Variants in GMPR observed in about 807,000 individuals in gnomAD.
GMPR encodes GMP reductase 1.
A neutral mutation model predicts 38.4 loss-of-function variants in GMPR; 31 were observed. The ratio of observed to expected loss-of-function variants is 0.81; its 90% CI spans 0.61 to 1.09. The LOEUF (loss-of-function observed/expected upper bound fraction) is 1.09, where lower values mean the gene tolerates loss of function less well. Ranked by LOEUF, GMPR falls within the 50% of genes least tolerant of loss-of-function variation. GMPR has a pLI of 0.00. For missense variants in GMPR, 468 were observed against 453.7 expected (o/e 1.03, Z -0.29); for synonymous variants, 162 against 173.3 (o/e 0.93, Z 0.51).
chr6:16,295,177 G>A lies in GMPR; in HGVS notation c.1029G>A (p.Val343=). 1 of 1,520,494 alleles carries A rather than the reference G, an allele frequency of 6.6e-7. No individual in the cohort carries two copies. The highest frequency in any genetic ancestry group is 8.8e-7 in the Non-Finnish European group (1 of 1,140,894). The allele number at this position is 1,520,494 out of a possible 1,614,324, so 94.2% of individuals were successfully genotyped here. The change falls in exon 9 of 9, where the codon GTG becomes GTA. Residue 343 remains valine, a synonymous_variant. Transcript: ENST00000259727. ...FIRVTQQHNT[V]FS Reference sequence around the variant, plus strand: ...GGGTGACCCAGCAGCACAACACCGTGTTCAGCTAACCCTGGGGACAAAGCA... The same window carrying A: ...GGGTGACCCAGCAGCACAACACCGTATTCAGCTAACCCTGGGGACAAAGCA...
chr6:16,259,888 G>T (rs567501821), intron 4 of GMPR, among the ~76,000 whole-genome samples: 1 of 152,248 alleles, frequency 6.6e-6, no homozygotes, highest in East Asian at 1.9e-4. Context: ...AGCTGTGATG[G>T]CTTGGAGAAA....
In GMPR at chr6:16,294,962, G is replaced by A. The variant is rs199829791; in HGVS notation, c.858-44G>A. The A allele has an allele frequency of 2.0e-4, 305 of 1,494,254 alleles. 1 individual carries two copies. The African/African-American group carries it at 3.8e-3, about 19-fold the overall frequency. The allele number at this position is 1,494,254 out of a possible 1,614,324, so 92.6% of individuals were successfully genotyped here. A position where few individuals can be genotyped will look rare whatever the true frequency, so the allele number is the denominator to read the frequency against. On this transcript the variant is annotated intron_variant, in intron 8 of 8. Coordinates refer to ENST00000259727, the MANE Select transcript of GMPR (RefSeq NM_006877.4). ...GTAATTCTAATTGGGCTCTTAAGGT[G>A]GGGCGGGAAACTAGATAAAAAGAAA...
intron 4 of GMPR, among the ~76,000 whole-genome samples, chr6:16,273,642 GCA>G (rs1332250450): frequency 6.6e-6 from 1 of 152,082 alleles, no homozygotes; most frequent in Non-Finnish European, 1.5e-5. Context: ...AGAGAGTGGG[GCA>G]CACTGCTATT....
chr6:16,276,212 C>G (rs1759469488), intron 5 of GMPR, among the ~76,000 whole-genome samples: 1 of 152,084 alleles, frequency 6.6e-6, no homozygotes, highest in African/African-American at 2.4e-5. Flanking sequence ...CTCTGTTGCC[C>G]AGGCTGGAGT....
intron 1 of GMPR, among the ~76,000 whole-genome samples, chr6:16,242,298 A>G (rs2113665617): frequency 6.7e-6 from 1 of 148,652 alleles, no homozygotes; most frequent in Non-Finnish European, 1.5e-5. Context: ...GAGGAAGGAT[A>G]CCTGTGTTTT....
chr6:16,280,046 TGGAGAA>T (rs1448729045), intron 6 of GMPR, among the ~76,000 whole-genome samples: 2 of 152,030 alleles, frequency 1.3e-5, no homozygotes, highest in Admixed American at 6.6e-5. Flanking sequence ...TGGGGGGCAC[TGGAGAA>T]GGAGAAGGAG....
chr6:16,274,846 G>A (rs1759447363), intron 5 of GMPR, among the ~76,000 whole-genome samples: 1 of 152,162 alleles, frequency 6.6e-6, no homozygotes, highest in South Asian at 2.1e-4. Flanking sequence ...CATAGAGACA[G>A]TTAATAAACA....
chr6:16,289,482 C>CT (rs745788525), intron 7 of GMPR: 39 of 152,362 alleles, frequency 2.6e-4, no homozygotes, highest in Admixed American at 1.2e-3. Flanking sequence ...AGAACCAGCC[C>CT]TGGGCCTGTT....
chr6:16,281,499 T>A (rs1561832924), intron 6 of GMPR, among the ~76,000 whole-genome samples: 1 of 152,072 alleles, frequency 6.6e-6, no homozygotes, highest in Non-Finnish European at 1.5e-5. Flanking sequence ...TTTACTTTTT[T>A]ATTTTATTTA....
chr6:16,289,210 G>A (rs932363410), intron 7 of GMPR, among the ~76,000 whole-genome samples: 11 of 152,150 alleles, frequency 7.2e-5, no homozygotes, highest in African/African-American at 2.2e-4. Context: ...CCCACCAGAA[G>A]GAAAAAGCCT....
intron 5 of GMPR, 71 bp from the exon 6 acceptor site, chr6:16,278,713 G>C (rs992618947): frequency 3.8e-6 from 4 of 1,049,688 alleles, no homozygotes; most frequent in Non-Finnish European, 4.5e-6. Flanking sequence ...AAAGGTAAGG[G>C]GGACGCATTT....
chr6:16,260,557 A>G (rs979582536), intron 4 of GMPR, among the ~76,000 whole-genome samples: 5 of 151,970 alleles, frequency 3.3e-5, no homozygotes, highest in African/African-American at 4.8e-5. Flanking sequence ...GGGGAAGGGA[A>G]GGGGCCTGAA....
chr6:16,268,252 T>C (rs1257033771), intron 4 of GMPR, among the ~76,000 whole-genome samples: 2 of 152,212 alleles, frequency 1.3e-5, no homozygotes, highest in Non-Finnish European at 2.9e-5. Flanking sequence ...GCAACTATTT[T>C]TCCATGGGCA....
At chr6:16,281,691 G>A (rs570928286) in intron 6 of GMPR, among the ~76,000 whole-genome samples, 35 of 150,586 alleles carry the variant, frequency 2.3e-4, no homozygotes, top group African/African-American at 8.1e-4. Flanking sequence ...TGTATTTTTA[G>A]TAGAGGCAGG....
intron 8 of GMPR, among the ~76,000 whole-genome samples, chr6:16,292,293 GTGGGGGGAT>G (rs945465202): frequency 2.0e-4 from 31 of 152,034 alleles, no homozygotes; most frequent in Non-Finnish European, 3.8e-4. Flanking sequence ...AGATTTGTAG[GTGGGGGGAT>G]TGGGGGGAGT....
chr6:16,286,218 C>T (rs1759674842), intron 7 of GMPR, among the ~76,000 whole-genome samples: 1 of 152,088 alleles, frequency 6.6e-6, no homozygotes, highest in Non-Finnish European at 1.5e-5. Context: ...AGGAATCCCG[C>T]AGCGGTTTCT....
chr6:16,265,807 C>T (rs183915356), intron 4 of GMPR, among the ~76,000 whole-genome samples: 13 of 152,356 alleles, frequency 8.5e-5, no homozygotes, highest in East Asian at 5.8e-4. Flanking sequence ...TAACCCACTC[C>T]GGAACCCTTC....
chr6:16,289,051 C>T (rs113741484), intron 7 of GMPR, among the ~76,000 whole-genome samples: 3 of 152,306 alleles, frequency 2.0e-5, no homozygotes, highest in Admixed American at 6.5e-5. Flanking sequence ...ACCCTTCTGG[C>T]TCCTTTTCTT....
intron 7 of GMPR, among the ~76,000 whole-genome samples, chr6:16,286,719 T>C (rs1360271964): frequency 6.6e-6 from 1 of 151,844 alleles, no homozygotes; most frequent in African/African-American, 2.4e-5. Context: ...GAGACCAGCC[T>C]GGACAATACC....
Sources: gnomAD v4.1 joint callset for allele counts (sites outside exome capture counted in the v4.1 genomes callset) on GRCh38, gnomAD v4.1.1 for gene constraint, MANE v1.5 for transcripts, NCBI Gene and HGNC (gene_info 2026-07-23, HGNC 2026-07-21) for gene names.